JARID2: variants seen among roughly 807,000 people sequenced by gnomAD.
JARID2 encodes the protein protein Jumonji.
Under a neutral mutation model 125.6 loss-of-function variants are expected in JARID2, and 21 were observed. The ratio of observed to expected loss-of-function variants is 0.17; its 90% CI spans 0.12 to 0.24. JARID2 has a LOEUF of 0.24. Among genes scored for constraint, JARID2 ranks in the 10% least tolerant of loss-of-function variants. The probability of loss-of-function intolerance (pLI) is 1.00; values close to 1 mark genes in which losing one functional copy is unlikely to be tolerated. For synonymous variants in JARID2, 736 were observed against 661.6 expected (o/e 1.11, Z -1.73); for missense variants, 1,303 against 1,639.6 (o/e 0.79, Z 3.55).
chr6:15,295,086 T>G (rs950437895), intron 1 of JARID2, among the ~76,000 whole-genome samples: 3 of 152,032 alleles, frequency 2.0e-5, no homozygotes, highest in African/African-American at 7.2e-5. Flanking sequence ...GCAGACCATT[T>G]GTGTGACCAG....
chr6:15,355,595 A>C (rs1210281143), intron 1 of JARID2, among the ~76,000 whole-genome samples: 2 of 148,942 alleles, frequency 1.3e-5, no homozygotes, highest in Non-Finnish European at 3.0e-5. Flanking sequence ...TCCTTAGTGC[A>C]TTCCTTCCTT....
chr6:15,455,771 G>T (rs1290514730), intron 4 of JARID2, among the ~76,000 whole-genome samples: 2 of 152,022 alleles, frequency 1.3e-5, no homozygotes, highest in African/African-American at 2.4e-5. Context: ...CAGGTGATCT[G>T]CCTGCCTCGG....
chr6:15,280,918 C>T (rs543789739), intron 1 of JARID2, among the ~76,000 whole-genome samples: 7 of 152,226 alleles, frequency 4.6e-5, no homozygotes, highest in South Asian at 2.1e-4. Flanking sequence ...CATGAGCCAC[C>T]GTGCCTGGCC....
At chr6:15,436,842 C>T (rs914101617) in intron 3 of JARID2, among the ~76,000 whole-genome samples, 6 of 151,420 alleles carry the variant, frequency 4.0e-5, no homozygotes, top group African/African-American at 1.5e-4. Context: ...TGTTTATATT[C>T]TGTGTTTTCC....
At chr6:15,312,908 A>C (rs915133339) in intron 1 of JARID2, among the ~76,000 whole-genome samples, 1 of 152,044 alleles carries the variant, frequency 6.6e-6, no homozygotes, top group Non-Finnish European at 1.5e-5. Flanking sequence ...TCACCACCCC[A>C]CTAGGGGACA....
intron 3 of JARID2, among the ~76,000 whole-genome samples, chr6:15,451,232 G>A (rs2127639554): frequency 6.6e-6 from 1 of 152,350 alleles, no homozygotes; most frequent in African/African-American, 2.4e-5. Context: ...AGATATTCAG[G>A]TGAAAGGAAT....
intron 3 of JARID2, among the ~76,000 whole-genome samples, chr6:15,423,676 C>T (rs148387606): frequency 2.0e-5 from 3 of 152,298 alleles, no homozygotes; most frequent in African/African-American, 7.2e-5. Context: ...TATGCTTGAC[C>T]TCACCCTGGG....
chr6:15,246,353 TCC>T lies in JARID2; in HGVS notation c.-186_-185del. ...TCGTTCGTCTTTGGCTCTTTTTTTT[TCC>T]TTCCCAATTTCGGATTTATTTCAAG... On this transcript the variant is annotated 5_prime_UTR_variant, in exon 1 of 18. Coordinates refer to ENST00000341776, the MANE Select transcript of JARID2 (RefSeq NM_004973.4). The T allele has an allele frequency of 1.7e-6, 1 of 579,158 alleles. No individual in the cohort carries two copies. Among genetic ancestry groups the T allele is most frequent in the Non-Finnish European group, 3.0e-6 (1 of 328,072 alleles). The allele number at this position is 579,158 out of a possible 1,614,324, so 35.9% of individuals were successfully genotyped here. A position where few individuals can be genotyped will look rare whatever the true frequency, so the allele number is the denominator to read the frequency against.
chr6:15,260,965 G>A (rs1759849497), intron 1 of JARID2, among the ~76,000 whole-genome samples: 1 of 152,054 alleles, frequency 6.6e-6, no homozygotes, highest in African/African-American at 2.4e-5. Flanking sequence ...CATGAGACTT[G>A]CTGAAATTGT....
intron 7 of JARID2, among the ~76,000 whole-genome samples, chr6:15,497,810 C>G (rs1581647585): frequency 6.6e-6 from 1 of 152,148 alleles, no homozygotes; most frequent in Non-Finnish European, 1.5e-5. Flanking sequence ...GGATTCCACA[C>G]TGGATTATAG....
intron 2 of JARID2, among the ~76,000 whole-genome samples, chr6:15,404,762 G>T (rs1319385415): frequency 6.6e-6 from 1 of 152,184 alleles, no homozygotes; most frequent in Admixed American, 6.5e-5. Context: ...TGACTTTGGT[G>T]TGCTCCAGAT....
intron 5 of JARID2, among the ~76,000 whole-genome samples, chr6:15,483,734 G>A (rs1364750844): frequency 1.3e-5 from 2 of 151,990 alleles, no homozygotes; most frequent in African/African-American, 2.4e-5. Context: ...GTTTTTATGT[G>A]GACATATTTT....
At chr6:15,515,982 G>A (rs1215793446) in intron 16 of JARID2, among the ~76,000 whole-genome samples, 6 of 139,282 alleles carry the variant, frequency 4.3e-5, no homozygotes, top group South Asian at 2.2e-4. Context: ...GTGACAGTGC[G>A]AGACTCCATC....
intron 1 of JARID2, among the ~76,000 whole-genome samples, chr6:15,309,395 C>G (rs568418579): frequency 6.6e-6 from 1 of 151,842 alleles, no homozygotes; most frequent in African/African-American, 2.4e-5. Context: ...ACTCAGCCAC[C>G]CTGCTTCTAG....
chr6:15,376,088 G>A (rs1217084325), intron 2 of JARID2, among the ~76,000 whole-genome samples: 1 of 152,196 alleles, frequency 6.6e-6, no homozygotes, highest in Non-Finnish European at 1.5e-5. Context: ...TGATGATACT[G>A]AGGAGAAAAA....
chr6:15,300,712 TGTGTGTGTGTGA>T (rs1243456809), intron 1 of JARID2, among the ~76,000 whole-genome samples: 2 of 139,922 alleles, frequency 1.4e-5, no homozygotes, highest in African/African-American at 2.9e-5. Flanking sequence ...TGTGTGTGTG[TGTGTGTGTGTGA>T]GAGAGAGAGA....
chr6:15,249,602 T>C (rs1484165242), intron 1 of JARID2, among the ~76,000 whole-genome samples: 1 of 152,220 alleles, frequency 6.6e-6, no homozygotes, highest in Non-Finnish European at 1.5e-5. Flanking sequence ...TAAAACAGTA[T>C]GCCTCTTTAT....
intron 2 of JARID2, among the ~76,000 whole-genome samples, chr6:15,400,484 G>T (rs1306433610): frequency 6.6e-6 from 1 of 151,476 alleles, no homozygotes; most frequent in East Asian, 1.9e-4. Context: ...TGGGGGTGGG[G>T]TGTGCTTGGC....
intron 8 of JARID2, among the ~76,000 whole-genome samples, chr6:15,503,773 T>G (rs1770858105): frequency 6.6e-6 from 1 of 152,220 alleles, no homozygotes; most frequent in South Asian, 2.1e-4. Flanking sequence ...CTTAGATGGA[T>G]TCCCTCTGAA....
Sources: gnomAD v4.1 joint callset for allele counts (sites outside exome capture counted in the v4.1 genomes callset) on GRCh38, gnomAD v4.1.1 for gene constraint, MANE v1.5 for transcripts, NCBI Gene and HGNC (gene_info 2026-07-23, HGNC 2026-07-21) for gene names.